ADAMTS3: variants seen among roughly 807,000 people sequenced by gnomAD.
ADAMTS3 encodes the protein ADAM metallopeptidase with thrombospondin type 1 motif 3, also known as A disintegrin and metalloproteinase with thrombospondin motifs 3.
In ADAMTS3, 73 loss-of-function variants were observed where a neutral mutation model predicts 129.0. The ratio of observed to expected loss-of-function variants is 0.57; its 90% CI spans 0.47 to 0.69. The LOEUF (loss-of-function observed/expected upper bound fraction) is 0.69, where lower values mean the gene tolerates loss of function less well. Ranked by LOEUF, ADAMTS3 falls within the 30% of genes least tolerant of loss-of-function variation. The pLI, the probability that ADAMTS3 is intolerant of heterozygous loss-of-function variation, is 0.00. For missense variants in ADAMTS3, 1,457 were observed against 1,514.5 expected (o/e 0.96, Z 0.63); for synonymous variants, 477 against 510.8 (o/e 0.93, Z 0.89).
intron 3 of ADAMTS3, among the ~76,000 whole-genome samples, chr4:72,547,339 T>G (rs1721493074): frequency 6.6e-6 from 1 of 152,198 alleles, no homozygotes; most frequent in South Asian, 2.1e-4. Context: ...TTGTTCACAC[T>G]GGGTAGGAAT....
intron 3 of ADAMTS3, among the ~76,000 whole-genome samples, chr4:72,448,177 A>C (rs1255161646): frequency 6.6e-6 from 1 of 151,678 alleles, no homozygotes; most frequent in Non-Finnish European, 1.5e-5. Flanking sequence ...AAGACATTTT[A>C]TTTTTAAGTT....
At chr4:72,509,749 C>T (rs968763320) in intron 3 of ADAMTS3, among the ~76,000 whole-genome samples, 32 of 151,752 alleles carry the variant, frequency 2.1e-4, no homozygotes, top group Admixed American at 2.1e-3. Flanking sequence ...GCAAATATTT[C>T]CAAACTCATA....
chr4:72,359,005 A>C (rs773513472), intron 4 of ADAMTS3, among the ~76,000 whole-genome samples: 4 of 152,006 alleles, frequency 2.6e-5, no homozygotes, highest in Non-Finnish European at 4.4e-5. Flanking sequence ...AAAAGAAAAC[A>C]TAAACAAAAC....
Position 72,296,525 on chromosome 4 carries a change from T to C in ADAMTS3, c.2591-739A>G, listed in dbSNP as rs1280087689. Among the ~76,000 whole-genome samples the C allele has an allele frequency of 2.3e-4, 35 of 152,082 alleles. 1 individual carries two copies. The highest frequency in any genetic ancestry group is 2.3e-3 in the Admixed American group (35 of 15,232). On this transcript the variant is annotated intron_variant, in intron 18 of 21. Transcript: ENST00000286657. Reference sequence around the variant, plus strand: ...GTTGTAAGAAAAAACAATATTTGTATACCTTGCATCTAGATTGATCTTTTG... The same window carrying C: ...GTTGTAAGAAAAAACAATATTTGTACACCTTGCATCTAGATTGATCTTTTG...
intron 15 of ADAMTS3, among the ~76,000 whole-genome samples, chr4:72,306,280 GA>G (rs1257576777): frequency 4.0e-5 from 6 of 151,798 alleles, no homozygotes; most frequent in African/African-American, 7.3e-5. Flanking sequence ...ATTAAAGAGG[GA>G]AAAAAGTTAA....
chr4:72,352,791 A>G (rs1720474671), intron 4 of ADAMTS3, among the ~76,000 whole-genome samples: 1 of 151,968 alleles, frequency 6.6e-6, no homozygotes, highest in Admixed American at 6.6e-5. Context: ...CTTCCAGACA[A>G]TGGGCATAAT....
At position 72,568,819 on chromosome 4, in the gene ADAMTS3, A is replaced by ACCCCC. The variant is rs368868980; in HGVS notation, c.-62_-58dup. 14 of 495,312 alleles carry ACCCCC rather than the reference A, an allele frequency of 2.8e-5. No homozygotes were observed. In the East Asian group the frequency reaches 4.6e-4, roughly 16 times the overall value. The allele number at this position is 495,312 out of a possible 1,614,324, so 30.7% of individuals were successfully genotyped here. ...CAAAGCAAATGCCCAGAGCAAACCC[A>ACCCCC]CCCCCCCCGCCCAAAATAAGTTTCT... On this transcript the variant is annotated 5_prime_UTR_variant, in exon 1 of 22. Coordinates refer to ENST00000286657, the MANE Select transcript of ADAMTS3 (RefSeq NM_014243.3).
chr4:72,522,551 G>A (rs189047435), intron 3 of ADAMTS3, among the ~76,000 whole-genome samples: 4 of 152,216 alleles, frequency 2.6e-5, no homozygotes, highest in East Asian at 1.9e-4. Context: ...TCTACAAGTC[G>A]TATCAACTAC....
intron 19 of ADAMTS3, among the ~76,000 whole-genome samples, chr4:72,291,505 G>T (rs146993341): frequency 6.7e-6 from 1 of 148,800 alleles, no homozygotes. Flanking sequence ...GCGGTGTTTC[G>T]TTTTTTGTCC....
At chr4:72,488,209 A>G (rs995863080) in intron 3 of ADAMTS3, among the ~76,000 whole-genome samples, 4 of 151,938 alleles carry the variant, frequency 2.6e-5, no homozygotes, top group Non-Finnish European at 5.9e-5. Context: ...TGTGTATTCA[A>G]TATATTTAAT....
intron 3 of ADAMTS3, among the ~76,000 whole-genome samples, chr4:72,435,812 T>C (rs1046736932): frequency 3.9e-5 from 6 of 152,024 alleles, no homozygotes; most frequent in Non-Finnish European, 7.4e-5. Flanking sequence ...TGTAGAAAGC[T>C]GAAACTGGAT....
intron 4 of ADAMTS3, among the ~76,000 whole-genome samples, chr4:72,344,387 T>C (rs1186713892): frequency 6.6e-6 from 1 of 152,106 alleles, no homozygotes; most frequent in African/African-American, 2.4e-5. Context: ...ATTGGAAAGG[T>C]ACAAGTTCTG....
intron 3 of ADAMTS3, among the ~76,000 whole-genome samples, chr4:72,476,158 A>C (rs1719226366): frequency 6.6e-6 from 1 of 152,024 alleles, no homozygotes; most frequent in Admixed American, 6.5e-5. Flanking sequence ...AAAAGAAAAA[A>C]TCAATAGAGA....
chr4:72,373,803 G>A (rs1392558411), intron 4 of ADAMTS3, among the ~76,000 whole-genome samples: 1 of 151,866 alleles, frequency 6.6e-6, no homozygotes, highest in Non-Finnish European at 1.5e-5. Flanking sequence ...GGGAGGCTAA[G>A]GTGGGAGGAT....
intron 16 of ADAMTS3, 91 bp downstream of exon 16, chr4:72,305,896 G>C: frequency 9.7e-7 from 1 of 1,031,728 alleles, no homozygotes; most frequent in Non-Finnish European, 1.5e-6. Context: ...ACATATATGT[G>C]TACATATATA....
At chr4:72,369,004 C>T (rs1381657022) in intron 4 of ADAMTS3, among the ~76,000 whole-genome samples, 5 of 152,086 alleles carry the variant, frequency 3.3e-5, no homozygotes, top group African/African-American at 9.7e-5. Flanking sequence ...TGCTTTCATG[C>T]AATTAAAATT....
At chr4:72,519,576 A>G (rs1720600198) in intron 3 of ADAMTS3, among the ~76,000 whole-genome samples, 1 of 151,888 alleles carries the variant, frequency 6.6e-6, no homozygotes, top group Non-Finnish European at 1.5e-5. Context: ...TTCTCGCTTC[A>G]TTTGATTCAT....
At chr4:72,396,582 C>T (rs1005039134) in intron 4 of ADAMTS3, among the ~76,000 whole-genome samples, 2 of 152,036 alleles carry the variant, frequency 1.3e-5, no homozygotes, top group African/African-American at 2.4e-5. Context: ...GCAGGGGAGA[C>T]GATGAGGAAG....
At chr4:72,446,167 G>A (rs1718247863) in intron 3 of ADAMTS3, among the ~76,000 whole-genome samples, 1 of 151,618 alleles carries the variant, frequency 6.6e-6, no homozygotes, top group Admixed American at 6.6e-5. Flanking sequence ...ATGTTTTCAA[G>A]CTAACTGTAG....
Sources: allele counts gnomAD v4.1 joint callset (sites outside exome capture counted in the v4.1 genomes callset), GRCh38; gene constraint gnomAD v4.1.1; transcripts MANE v1.5; gene names NCBI Gene and HGNC (gene_info 2026-07-23, HGNC 2026-07-21).